CFAP92: variants seen among roughly 807,000 people sequenced by gnomAD.
The protein encoded by CFAP92 is uncharacterized protein CFAP92.
A neutral mutation model predicts 106.3 loss-of-function variants in CFAP92; 86 were observed. The ratio of observed to expected loss-of-function variants is 0.81; its 90% confidence interval spans 0.68 to 0.97. The LOEUF is 0.97. CFAP92 is among the 50% of genes least tolerant of loss of function. The pLI, the probability that CFAP92 is intolerant of heterozygous loss-of-function variation, is 0.00. For missense variants in CFAP92, 1,204 were observed against 1,283.8 expected (o/e 0.94, Z 0.95); for synonymous variants, 477 against 506.4 (o/e 0.94, Z 0.78).
rs1943961380 is a variant in CFAP92, at chr3:128,987,918, C to T, written c.454-89G>A. On this transcript the variant is annotated intron_variant, in intron 3 of 15. Coordinates refer to ENST00000645291, the MANE Select transcript of CFAP92 (RefSeq NM_001394090.1). ...AGCAAGCCCCAGCCCCAGCCTGGCC[C>T]TCAGCAGCAGCGCTGCCTGACTTCA... 3.5e-6 allele frequency: 4 copies of T among 1,146,490 alleles called. No homozygotes were observed. The Admixed American group carries it at 6.8e-5, about 19-fold the overall frequency. 71.0% of individuals were successfully genotyped at this position (1,146,490 alleles called of 1,614,324 possible).
intron 9 of CFAP92, among the ~76,000 whole-genome samples, chr3:128,958,178 G>A (rs534547207): frequency 1.4e-4 from 21 of 152,286 alleles, no homozygotes; most frequent in Admixed American, 8.5e-4. Context: ...GATACTGGGC[G>A]TTAGGAGTTC....
At chr3:128,936,178 G>T (rs989003636) in intron 10 of CFAP92, among the ~76,000 whole-genome samples, 1 of 152,090 alleles carries the variant, frequency 6.6e-6, no homozygotes, top group African/African-American at 2.4e-5. Context: ...GCCCTGCACT[G>T]GCCTATGCCA....
chr3:128,956,977 CAAAAAAA>C (rs766884799), intron 9 of CFAP92, among the ~76,000 whole-genome samples: 1 of 28,598 alleles, frequency 3.5e-5, no homozygotes, highest in African/African-American at 6.6e-5. Flanking sequence ...CAGACTCTCT[CAAAAAAA>C]AAAAAAAAAA....
chr3:128,991,895 T>G, intron 2 of CFAP92: 1 of 986,410 alleles, frequency 1.0e-6, no homozygotes, highest in Non-Finnish European at 1.2e-6. Context: ...AAGTACTACT[T>G]GTCTCCTCCC....
intron 15 of CFAP92, among the ~76,000 whole-genome samples, chr3:128,913,420 T>C (rs1241522565): frequency 6.6e-6 from 1 of 152,180 alleles, no homozygotes; most frequent in Non-Finnish European, 1.5e-5. Flanking sequence ...GAATGGTATC[T>C]CCAGGCCAGC....
At chr3:128,933,107 C>T (rs1938581525) in intron 11 of CFAP92, 110 bp from the exon 12 acceptor site, 1 of 1,028,352 alleles carries the variant, frequency 9.7e-7, no homozygotes, top group South Asian at 1.5e-5. Context: ...TTAGCTGGTC[C>T]CAAGTCCTGG....
intron 1 of CFAP92, among the ~76,000 whole-genome samples, chr3:129,000,176 G>A (rs1055076106): frequency 6.6e-6 from 1 of 152,212 alleles, no homozygotes; most frequent in African/African-American, 2.4e-5. Flanking sequence ...AGTGGCTTTC[G>A]AAGGTAGAAG....
chr3:129,026,342 C>T, the CFAP92 span, among the ~76,000 whole-genome samples: 1 of 151,916 alleles, frequency 6.6e-6, no homozygotes, highest in Non-Finnish European at 1.5e-5. Flanking sequence ...TGTTGAAACC[C>T]TTAAATGATT....
intron 12 of CFAP92, among the ~76,000 whole-genome samples, chr3:128,932,435 A>G (rs542326108): frequency 6.7e-6 from 1 of 149,468 alleles, no homozygotes; most frequent in East Asian, 2.0e-4. Context: ...TCTGGGAGCC[A>G]TGGTAAAGGT....
the CFAP92 span, among the ~76,000 whole-genome samples, chr3:129,013,851 G>A: frequency 1.3e-5 from 2 of 152,216 alleles, no homozygotes; most frequent in Non-Finnish European, 2.9e-5. Flanking sequence ...GGCTACTTGT[G>A]GGCAATGATG....
chr3:128,960,236 A>G lies in CFAP92; in HGVS notation c.1353+5275T>C, dbSNP rs915532773. On this transcript the variant is annotated intron_variant, in intron 9 of 15. Coordinates refer to ENST00000645291, the MANE Select transcript of CFAP92 (RefSeq NM_001394090.1). Reference sequence around the variant, plus strand: ...AAAGCCTGTTTGGTGGTCTCTTCACACGGACGCGCATGAAATGTGGTGCCG... The same window carrying G: ...AAAGCCTGTTTGGTGGTCTCTTCACGCGGACGCGCATGAAATGTGGTGCCG... 5.9e-5 allele frequency among the ~76,000 whole-genome samples: 9 copies of G among 152,224 alleles called. No individual in the cohort carries two copies. The South Asian group carries it at 1.7e-3, about 28-fold the overall frequency.
At chr3:128,999,625 G>A (rs377745195) in intron 1 of CFAP92, among the ~76,000 whole-genome samples, 27 of 129,934 alleles carry the variant, frequency 2.1e-4, no homozygotes, top group East Asian at 5.2e-4. Context: ...TGCAACCTCC[G>A]CCTCCCAGGT....
intron 12 of CFAP92, among the ~76,000 whole-genome samples, chr3:128,930,182 GCT>G (rs1389603521): frequency 4.0e-5 from 6 of 151,848 alleles, no homozygotes; most frequent in African/African-American, 1.5e-4. Context: ...ATGGAGTCTC[GCT>G]CTGTCGCCCA....
In CFAP92 at chr3:128,963,689, C is replaced by A. The variant is rs1440027368; in HGVS notation, c.1353+1822G>T. ...ATTTATTGACGGCAGTTCCACCAGG[C>A]CTAATCGCCACACACCAGCAAAGGC... On this transcript the variant is annotated intron_variant, in intron 9 of 15. Transcript: ENST00000645291. 1.1e-4 allele frequency among the ~76,000 whole-genome samples: 16 copies of A among 150,290 alleles called. No individual in the cohort carries two copies. In the South Asian group the frequency reaches 3.4e-3, roughly 32 times the overall value.
In CFAP92 at chr3:128,916,089, C is replaced by G; in HGVS notation, c.2916+18G>C. On this transcript the variant is annotated intron_variant, in intron 13 of 15. Transcript: ENST00000645291. ...CATGGGATTTGCCAACTGCCATCAT[C>G]CTGTCTGGGTCTCTCACCTTGGCTA... The G allele has an allele frequency of 8.1e-7, 1 of 1,232,356 alleles. No individual in the cohort carries two copies. The highest frequency in any genetic ancestry group is 3.2e-5 in the East Asian group (1 of 31,708). The allele number at this position is 1,232,356 out of a possible 1,614,324, so 76.3% of individuals were successfully genotyped here.
chr3:128,999,531 C>CTTTTTTTTTTTTTTTTTTTTTTTTTTTT (rs5852556), intron 1 of CFAP92, among the ~76,000 whole-genome samples: 1 of 71,594 alleles, frequency 1.4e-5, no homozygotes. Flanking sequence ...AAATCAGGTT[C>CTTTTTTTTTTTTTTTTTTTTTTTTTTTT]TTTTTTTTTT....
At chr3:129,017,611 C>T in the CFAP92 span, among the ~76,000 whole-genome samples, 1 of 152,236 alleles carries the variant, frequency 6.6e-6, no homozygotes, top group African/African-American at 2.4e-5. Flanking sequence ...ACCCACATTG[C>T]TTTCATCTTC....
chr3:129,002,006 T>C (rs1944793925), intron 1 of CFAP92: 5 of 1,545,722 alleles, frequency 3.2e-6, no homozygotes, highest in Non-Finnish European at 4.4e-6. Flanking sequence ...CAGATACCGA[T>C]GAAGAGGCGC....
At chr3:128,961,925 C>T (rs1941955049) in intron 9 of CFAP92, among the ~76,000 whole-genome samples, 1 of 152,216 alleles carries the variant, frequency 6.6e-6, no homozygotes. Flanking sequence ...CTTCCAAACG[C>T]CTGAACCGCA....
Sources: gnomAD v4.1 joint callset for allele counts (sites outside exome capture counted in the v4.1 genomes callset) on GRCh38, gnomAD v4.1.1 for gene constraint, MANE v1.5 for transcripts, NCBI Gene and HGNC (gene_info 2026-07-23, HGNC 2026-07-21) for gene names.